PAGE2B: variants seen among roughly 807,000 people sequenced by gnomAD.
PAGE2B encodes putative G antigen family E member 3.
A neutral mutation model predicts 7.6 loss-of-function variants in PAGE2B; 5 were observed. The observed-to-expected ratio is 0.66, with a 90% confidence interval of 0.34 to 1.38. The LOEUF (loss-of-function observed/expected upper bound fraction) is 1.38, where lower values mean the gene tolerates loss of function less well. Ranked by LOEUF, PAGE2B falls within the 40% of genes most tolerant of loss-of-function variation. The pLI, the probability that PAGE2B is intolerant of heterozygous loss-of-function variation, is 0.04. For synonymous variants in PAGE2B, 29 were observed against 26.7 expected, an observed-to-expected ratio of 1.09 and a Z score of -0.27; for missense variants, 70 against 78.4, an observed-to-expected ratio of 0.89 and a Z score of 0.41.
At chrX:55,065,899 T>A in the PAGE2B span, among the ~76,000 whole-genome samples, 1 of 112,121 alleles carries the variant, frequency 8.9e-6, no homozygotes, top group South Asian at 3.7e-4. Flanking sequence ...TATCTTTATT[T>A]TACTGTTTCT....
chrX:55,058,648 G>T, the PAGE2B span, among the ~76,000 whole-genome samples: 1 of 111,145 alleles, frequency 9.0e-6, no homozygotes, highest in Non-Finnish European at 1.9e-5. Context: ...TCACAGGCTA[G>T]GCTTGCTTTC....
At chrX:55,050,915 A>C in the PAGE2B span, among the ~76,000 whole-genome samples, 7 of 111,522 alleles carry the variant, frequency 6.3e-5, no homozygotes, top group Middle Eastern at 4.6e-3. Flanking sequence ...GATGGTCTTT[A>C]CAATTTGGCA....
upstream of PAGE2B, among the ~76,000 whole-genome samples, chrX:55,073,663 C>T (rs1029762047): frequency 7.1e-5 from 8 of 112,122 alleles, no homozygotes; most frequent in East Asian, 5.6e-4. Flanking sequence ...TTCCTGTTCA[C>T]GAGCATGGAA....
the PAGE2B span, among the ~76,000 whole-genome samples, chrX:55,065,425 T>C: frequency 8.9e-6 from 1 of 111,915 alleles, no homozygotes; most frequent in African/African-American, 3.2e-5. Flanking sequence ...CCCATTATTT[T>C]CACTTTACGT....
chrX:55,034,276 T>C, the PAGE2B span, among the ~76,000 whole-genome samples: 244 of 112,246 alleles, frequency 2.2e-3, 2 homozygotes, highest in Admixed American at 0.013. Flanking sequence ...TCCATTTTAA[T>C]TTAAATAACA....
chrX:55,073,275 G>A (rs1172381621), upstream of PAGE2B, among the ~76,000 whole-genome samples: 1 of 111,738 alleles, frequency 8.9e-6, no homozygotes, highest in Non-Finnish European at 1.9e-5. Flanking sequence ...GGGCCAGATA[G>A]CACAGTACCT....
At chrX:55,056,300 G>C in the PAGE2B span, among the ~76,000 whole-genome samples, 1 of 110,900 alleles carries the variant, frequency 9.0e-6, no homozygotes, top group African/African-American at 3.3e-5. Context: ...GGATAAGAGA[G>C]GAATGGGAGA....
upstream of PAGE2B, among the ~76,000 whole-genome samples, chrX:55,071,023 G>C (rs1936443591): frequency 8.9e-6 from 1 of 111,876 alleles, no homozygotes; most frequent in Admixed American, 9.5e-5. Context: ...GTGGCATTTA[G>C]CCCATTTACA....
At chrX:55,042,470 C>CAA in the PAGE2B span, among the ~76,000 whole-genome samples, 4 of 107,237 alleles carry the variant, frequency 3.7e-5, no homozygotes, top group African/African-American at 1.4e-4. Context: ...CTGGCTAAAG[C>CAA]GGTGAAACCC....
At chrX:55,045,939 A>G in the PAGE2B span, among the ~76,000 whole-genome samples, 2 of 111,350 alleles carry the variant, frequency 1.8e-5, no homozygotes, top group African/African-American at 3.3e-5. Flanking sequence ...GTCAAATAAC[A>G]TAAGAAGTCT....
At chrX:55,043,180 T>A in the PAGE2B span, among the ~76,000 whole-genome samples, 1 of 111,752 alleles carries the variant, frequency 8.9e-6, no homozygotes, top group African/African-American at 3.3e-5. Flanking sequence ...TCTCACGTTA[T>A]ACAAAAATCA....
At chrX:55,046,492 C>T in the PAGE2B span, among the ~76,000 whole-genome samples, 1 of 111,468 alleles carries the variant, frequency 9.0e-6, no homozygotes, top group East Asian at 2.8e-4. Flanking sequence ...TTCTGTGAAC[C>T]TATGGATTAT....
chrX:55,071,100 A>G (rs1318901187), upstream of PAGE2B, among the ~76,000 whole-genome samples: 1 of 111,747 alleles, frequency 8.9e-6, no homozygotes, highest in Non-Finnish European at 1.9e-5. Flanking sequence ...TTATTTTGCC[A>G]ATTAGTTTAT....
the PAGE2B span, among the ~76,000 whole-genome samples, chrX:55,041,853 C>A: frequency 9.0e-6 from 1 of 111,596 alleles, no homozygotes; most frequent in African/African-American, 3.3e-5. Flanking sequence ...GGAGCAGGTG[C>A]AGCTGAAGGA....
At chrX:55,036,096 CTGTT>C in the PAGE2B span, among the ~76,000 whole-genome samples, 1 of 111,818 alleles carries the variant, frequency 8.9e-6, no homozygotes, top group Non-Finnish European at 1.9e-5. Flanking sequence ...ATTTGGCTCT[CTGTT>C]TGTCTGTTAT....
the PAGE2B span, among the ~76,000 whole-genome samples, chrX:55,052,196 G>A: frequency 2.7e-5 from 3 of 111,956 alleles, no homozygotes; most frequent in East Asian, 2.8e-4. Flanking sequence ...GTACCCGGCC[G>A]TGTGAGGTGT....
the PAGE2B span, among the ~76,000 whole-genome samples, chrX:55,037,267 A>C: frequency 8.9e-6 from 1 of 112,437 alleles, no homozygotes. Flanking sequence ...TTCTCAAAAG[A>C]AGACATTTAT....
At chrX:55,043,188 T>C in the PAGE2B span, among the ~76,000 whole-genome samples, 2 of 111,487 alleles carry the variant, frequency 1.8e-5, no homozygotes, top group Admixed American at 1.9e-4. Context: ...TATACAAAAA[T>C]CAACTCAAGA....
the PAGE2B span, among the ~76,000 whole-genome samples, chrX:55,049,160 T>G: frequency 7.2e-5 from 8 of 111,287 alleles, no homozygotes; most frequent in Admixed American, 9.6e-5. Flanking sequence ...TGAAGCCCAC[T>G]TGATCATGGT....
Sources: allele counts gnomAD v4.1 joint callset (sites outside exome capture counted in the v4.1 genomes callset), GRCh38; gene constraint gnomAD v4.1.1; transcripts MANE v1.5; gene names NCBI Gene and HGNC (gene_info 2026-07-23, HGNC 2026-07-21).